TAF1L: variants seen among roughly 807,000 people sequenced by gnomAD.
TAF1L encodes TATA-box binding protein associated factor 1 like, also known as transcription initiation factor TFIID subunit 1-like.
In TAF1L, 30 loss-of-function variants were observed where a neutral mutation model predicts 128.8. The ratio of observed to expected loss-of-function variants is 0.23; its 90% CI spans 0.17 to 0.32. The LOEUF is 0.32. TAF1L is among the 10% of genes least tolerant of loss of function. The pLI, the probability that TAF1L is intolerant of heterozygous loss-of-function variation, is 1.00. For synonymous variants in TAF1L, 764 were observed against 790.7 expected, an observed-to-expected ratio of 0.97 and a Z score of 0.57; for missense variants, 2,099 against 2,253.7, an observed-to-expected ratio of 0.93 and a Z score of 1.39.
Position 32,632,621 on chromosome 9 carries a change from T to A in TAF1L, c.2959A>T (p.Ile987Phe), listed in dbSNP as rs781616380. 4.3e-6 allele frequency: 7 copies of A among 1,614,108 alleles called. No homozygotes were observed. The African/African-American group carries it at 9.3e-5, about 22-fold the overall frequency. ...GCGEGFSYVK[I>F]PNKPTQQKDD... ...TTCTGCTGTGTTGGTTTATTTGGAA[T>A]CTTCACATAGGAGAATCCTTCACCA... is the stretch of plus-strand genomic sequence containing the variant. Residue 987 changes from isoleucine (I) to phenylalanine (F), a missense_variant, in exon 1 of 1, where the codon ATT becomes TTT. Coordinates refer to ENST00000242310, the MANE Select transcript of TAF1L (RefSeq NM_153809.2). This position sits in a 1 kb window ranked among gnomAD's most constrained non-coding sequence, Gnocchi z 4.4.
At position 32,631,577 on chromosome 9, in the gene TAF1L, T is replaced by C. The variant is rs1564011019; in HGVS notation, c.4003A>G (p.Ile1335Val). ...ACAATTTTGGTCCCTTCAACCTTGA[T>C]AAGTTCTTCATTATCATTATGAATG... ...TVIHNDNEEL[I>V]KVEGTKIVFG... is the part of the protein sequence containing the mutation. The change falls in exon 1 of 1, where the codon ATC (isoleucine) becomes GTC (valine). Residue 1335 changes from isoleucine (I) to valine (V), a missense_variant. Physicochemically the swap from Ile to Val is conservative, Grantham distance 29. This residue lies in a region of TAF1L where 1,213 missense variants were observed against 1,391.4 expected (regional missense o/e 0.87). Coordinates refer to ENST00000242310, the MANE Select transcript of TAF1L (RefSeq NM_153809.2). The surrounding 1 kb of genome is among the most constrained non-coding windows in gnomAD (Gnocchi z 4.1). 1 of 1,614,208 alleles carries C rather than the reference T, an allele frequency of 6.2e-7. No homozygotes were observed. The highest frequency in any genetic ancestry group is 2.2e-5 in the East Asian group (1 of 44,886).
At position 32,635,647 on chromosome 9, in the gene TAF1L, C is replaced by T. The variant is rs1822576117; in HGVS notation, c.-68G>A. The T allele has an allele frequency of 2.7e-6, 4 of 1,505,156 alleles. No homozygotes were observed. The highest frequency in any genetic ancestry group is 3.5e-6 in the Non-Finnish European group (4 of 1,127,782). The allele number at this position is 1,505,156 out of a possible 1,614,324, so 93.2% of individuals were successfully genotyped here. A position where few individuals can be genotyped will look rare whatever the true frequency, so the allele number is the denominator to read the frequency against. Reference sequence around the variant, plus strand: ...AGCTCCCTTACCCTACCAGCGTCTACCGGAAGCTGAATAAAGGCGGGGGGA... The same window carrying T: ...AGCTCCCTTACCCTACCAGCGTCTATCGGAAGCTGAATAAAGGCGGGGGGA... On this transcript the variant is annotated 5_prime_UTR_variant, in exon 1 of 1. Coordinates refer to ENST00000242310, the MANE Select transcript of TAF1L (RefSeq NM_153809.2).
Position 32,632,887 on chromosome 9 carries a change from T to G in TAF1L, c.2693A>C (p.Lys898Thr), listed in dbSNP as rs1008996841. ...RLPTEEEIRA[K>T]VSPEQCCAYY... is the part of the protein sequence containing the mutation. Reference sequence around the variant, plus strand: ...AGCACAGCACTGCTCTGGTGACACCTTAGCTCTGATCTCTTCTTCCGTTGG... The same window carrying G: ...AGCACAGCACTGCTCTGGTGACACCGTAGCTCTGATCTCTTCTTCCGTTGG... Residue 898 changes from lysine (K) to threonine (T), a missense_variant, in exon 1 of 1, where the codon AAG (lysine) becomes ACG (threonine). This residue lies in a region of TAF1L where 1,213 missense variants were observed against 1,391.4 expected (regional missense o/e 0.87). Coordinates refer to ENST00000242310, the MANE Select transcript of TAF1L (RefSeq NM_153809.2). This position sits in a 1 kb window ranked among gnomAD's most constrained non-coding sequence, Gnocchi z 4.4. The G allele has an allele frequency of 3.7e-6, 6 of 1,614,236 alleles. No homozygotes were observed. The highest frequency in any genetic ancestry group is 1.6e-4 in the Middle Eastern group (1 of 6,062).
In TAF1L at chr9:32,632,098, C is replaced by T. The variant is rs1452980911; in HGVS notation, c.3482G>A (p.Gly1161Glu). Residue 1161 changes from glycine (G) to glutamate (E), a missense_variant, in exon 1 of 1, where the codon GGA (glycine) becomes GAA (glutamate). By Grantham distance (98) the Gly-to-Glu change is moderately conservative. This residue lies in a region of TAF1L where 1,213 missense variants were observed against 1,391.4 expected (regional missense o/e 0.87). Coordinates refer to ENST00000242310, the MANE Select transcript of TAF1L (RefSeq NM_153809.2). The surrounding 1 kb of genome is among the most constrained non-coding windows in gnomAD (Gnocchi z 4.4). ...MLLVAGSAAS[G>E]NNHRDDVTAS... ...TGTGACATCATCTCTGTGATTGTTT[C>T]CTGATGCTGCTGAGCCTGCTACCAG... 3 of 1,614,174 alleles carry T rather than the reference C, an allele frequency of 1.9e-6. No homozygotes were observed. The highest frequency in any genetic ancestry group is 2.2e-5 in the East Asian group (1 of 44,872).
Position 32,631,571 on chromosome 9 carries a change from C to T in TAF1L, c.4009G>A (p.Val1337Ile), listed in dbSNP as rs1339105689. 13 of 1,614,036 alleles carry T rather than the reference C, an allele frequency of 8.1e-6. No individual in the cohort carries two copies. Among genetic ancestry groups the T allele is most frequent in the Non-Finnish European group, 1.1e-5 (13 of 1,180,046 alleles). The stretch of plus-strand genomic sequence containing the variant: ...CCGAAGACAATTTTGGTCCCTTCAA[C>T]CTTGATAAGTTCTTCATTATCATTA... ...IHNDNEELIK[V>I]EGTKIVFGKQ... The change falls in exon 1 of 1, where the codon GTT becomes ATT. Residue 1337 changes from valine (V) to isoleucine (I), a missense_variant. Transcript: ENST00000242310. The surrounding 1 kb of genome is among the most constrained non-coding windows in gnomAD (Gnocchi z 4.1).
chr9:32,634,819 C>A lies in TAF1L; in HGVS notation c.761G>T (p.Arg254Leu), dbSNP rs774237636. 4 of 1,614,112 alleles carry A rather than the reference C, an allele frequency of 2.5e-6. No homozygotes were observed. In the East Asian group the frequency reaches 8.9e-5, roughly 36 times the overall value. Residue 254 changes from arginine (R) to leucine (L), a missense_variant, in exon 1 of 1, where the codon CGA (arginine) becomes CTA (leucine). Coordinates refer to ENST00000242310, the MANE Select transcript of TAF1L (RefSeq NM_153809.2). ...TAGGAAGCGTAACACTTTTCCAGGT[C>A]GAAATTCTGGAAAAAGTTCGGTGAC... Reference protein sequence around the residue: ...PSVTELFPEFRPGKVLRFLHL... With the variant: ...PSVTELFPEFLPGKVLRFLHL...
Position 32,633,940 on chromosome 9 carries a change from T to A in TAF1L, c.1640A>T (p.Glu547Val). Residue 547 changes from glutamate (E) to valine (V), a missense_variant, in exon 1 of 1, where the codon GAG (glutamate) becomes GTG (valine). Transcript: ENST00000242310. ...EEATSNSPSK[E>V]SKKESSLKKS... is the part of the protein sequence containing the mutation. ...CTTCAGAGATGATTCCTTCTTACTCTCCTTGGAGGGGGAGTTAGAGGTGGC... is the reference window on the plus strand; with the variant it reads ...CTTCAGAGATGATTCCTTCTTACTCACCTTGGAGGGGGAGTTAGAGGTGGC... The A allele has an allele frequency of 6.2e-7, 1 of 1,614,156 alleles. No individual in the cohort carries two copies. The highest frequency in any genetic ancestry group is 1.3e-5 in the African/African-American group (1 of 75,014).
In TAF1L at chr9:32,630,888, G is replaced by A; in HGVS notation, c.4692C>T (p.Val1564=). The A allele has an allele frequency of 1.2e-6, 2 of 1,614,154 alleles. No homozygotes were observed. Among genetic ancestry groups the A allele is most frequent in the Non-Finnish European group, 1.7e-6 (2 of 1,180,030 alleles). ...KFVPDYYKMI[V]NPVDLETIRK... ...GTATGGTCTCTAAATCCACTGGATTGACAATCATTTTGTAATAATCTGGAA... is the reference window on the plus strand; with the variant it reads ...GTATGGTCTCTAAATCCACTGGATTAACAATCATTTTGTAATAATCTGGAA... The change falls in exon 1 of 1, where the codon GTC becomes GTT. Residue 1564 remains valine (V), a synonymous_variant. Transcript: ENST00000242310.
Position 32,632,367 on chromosome 9 carries a change from C to T in TAF1L, c.3213G>A (p.Arg1071=). ...GPMSKFARGS[R]FSVAEHQERY... is the part of the protein sequence containing the mutation. ...GCTCTTGATGCTCAGCCACAGAAAA[C>T]CTTGATCCACGGGCAAATTTACTCA... Residue 1071 remains arginine (R), a synonymous_variant, in exon 1 of 1, where the codon AGG becomes AGA. Transcript: ENST00000242310. This position sits in a 1 kb window ranked among gnomAD's most constrained non-coding sequence, Gnocchi z 4.4. The T allele has an allele frequency of 1.2e-6, 2 of 1,614,186 alleles. No individual in the cohort carries two copies. The highest frequency in any genetic ancestry group is 1.7e-6 in the Non-Finnish European group (2 of 1,180,030).
At position 32,632,105 on chromosome 9, in the gene TAF1L, C is replaced by A. The variant is rs201142702; in HGVS notation, c.3475G>T (p.Ala1159Ser). 8.1e-6 allele frequency: 13 copies of A among 1,614,196 alleles called. No homozygotes were observed. Among genetic ancestry groups the A allele is most frequent in the Non-Finnish European group, 1.0e-5 (12 of 1,180,032 alleles). Residue 1159 changes from alanine to serine, a missense_variant, in exon 1 of 1, where the codon GCA becomes TCA. By Grantham distance (99) the Ala-to-Ser change is moderately conservative (BLOSUM62 1). Transcript: ENST00000242310. The surrounding 1 kb of genome is among the most constrained non-coding windows in gnomAD (Gnocchi z 4.4). ...RRMLLVAGSA[A>S]SGNNHRDDVT... ...TCATCTCTGTGATTGTTTCCTGATG[C>A]TGCTGAGCCTGCTACCAGTAGCATT... is the stretch of plus-strand genomic sequence containing the variant.
At position 32,631,945 on chromosome 9, in the gene TAF1L, G is replaced by T. The variant is rs976654470; in HGVS notation, c.3635C>A (p.Ala1212Asp). The T allele has an allele frequency of 6.2e-7, 1 of 1,614,122 alleles. No individual in the cohort carries two copies. Among genetic ancestry groups the T allele is most frequent in the Non-Finnish European group, 8.5e-7 (1 of 1,180,020 alleles). ...TTTTGTAGTCCGTATGCGCACATAG[G>T]CATCAATGACAGCTGGTTTTCGGAC... ...ETVRKPAVID[A>D]YVRIRTTKDE... Residue 1212 changes from alanine to aspartate, a missense_variant, in exon 1 of 1, where the codon GCC (alanine) becomes GAC (aspartate). Physicochemically the swap from Ala to Asp is moderately radical, Grantham distance 126. Coordinates refer to ENST00000242310, the MANE Select transcript of TAF1L (RefSeq NM_153809.2). The surrounding 1 kb of genome is among the most constrained non-coding windows in gnomAD (Gnocchi z 4.1).
In TAF1L at chr9:32,631,907, T is replaced by A. The variant is rs768522210; in HGVS notation, c.3673A>T (p.Ile1225Phe). The change falls in exon 1 of 1, where the codon ATT becomes TTT. Residue 1225 changes from isoleucine to phenylalanine, a missense_variant. By Grantham distance (21) the Ile-to-Phe change is conservative. Transcript: ENST00000242310. The surrounding 1 kb of genome is among the most constrained non-coding windows in gnomAD (Gnocchi z 4.1). ...TCATCAAAAAGGGCAAATTTTTGAA[T>A]GAATTTCTCATCTTTTGTAGTCCGT... is the stretch of plus-strand genomic sequence containing the variant. ...RIRTTKDEKF[I>F]QKFALFDEKH... The A allele has an allele frequency of 1.2e-5, 20 of 1,614,236 alleles. No individual in the cohort carries two copies. The South Asian group carries it at 2.2e-4, about 18-fold the overall frequency.
Position 32,634,407 on chromosome 9 carries a change from T to C in TAF1L, c.1173A>G (p.Gln391=), listed in dbSNP as rs746376216. Reference sequence around the variant, plus strand: ...TTCTAGATTTTATCACAGGTTCATGTTGTGTCTTTCTCAGTTTGAAGCCAT... The same window carrying C: ...TTCTAGATTTTATCACAGGTTCATGCTGTGTCTTTCTCAGTTTGAAGCCAT... ...FDYGFKLRKT[Q]HEPVIKSRMM... Residue 391 remains glutamine (Q), a synonymous_variant, in exon 1 of 1, where the codon CAA becomes CAG. Coordinates refer to ENST00000242310, the MANE Select transcript of TAF1L (RefSeq NM_153809.2). The C allele has an allele frequency of 5.0e-6, 8 of 1,614,138 alleles. No homozygotes were observed. Among genetic ancestry groups the C allele is most frequent in the South Asian group, 1.1e-5 (1 of 91,092 alleles).
In TAF1L at chr9:32,629,799, C is replaced by A; in HGVS notation, c.*300G>T. ...CAGCCTCCCGAGTATCTGGGGATTA[C>A]AGGCGTGCACCACCACACCTGGCTA... On this transcript the variant is annotated 3_prime_UTR_variant, in exon 1 of 1. Coordinates refer to ENST00000242310, the MANE Select transcript of TAF1L (RefSeq NM_153809.2). 1 of 512,010 alleles carries A rather than the reference C, an allele frequency of 2.0e-6. No homozygotes were observed. 31.7% of individuals were successfully genotyped at this position (512,010 alleles called of 1,614,324 possible). A position where few individuals can be genotyped will look rare whatever the true frequency, so the allele number is the denominator to read the frequency against.
Position 32,634,726 on chromosome 9 carries a change from T to A in TAF1L, c.854A>T (p.His285Leu). 6.2e-7 allele frequency: 1 copy of A among 1,614,220 alleles called. No individual in the cohort carries two copies. The highest frequency in any genetic ancestry group is 8.5e-7 in the Non-Finnish European group (1 of 1,180,028). ...WRSARRKRKK[H>L]RELIQEEQIQ... is the part of the protein sequence containing the mutation. ...CTGCTCTTCCTGTATCAGCTCACGATGCTTCTTCCTCTTTCTCCGAGCACT... is the reference window on the plus strand; with the variant it reads ...CTGCTCTTCCTGTATCAGCTCACGAAGCTTCTTCCTCTTTCTCCGAGCACT... Residue 285 changes from histidine (H) to leucine (L), a missense_variant, in exon 1 of 1, where the codon CAT becomes CTT. Transcript: ENST00000242310.
chr9:32,635,349 G>A lies in TAF1L; in HGVS notation c.231C>T (p.Ile77=). Residue 77 remains isoleucine, a synonymous_variant, in exon 1 of 1, where the codon ATC becomes ATT. Transcript: ENST00000242310. ...GLGALGLGSL[I]TELTANEELT... is the part of the protein sequence containing the mutation. ...ATTCTTCATTTGCCGTGAGTTCAGTGATTAGGCTGCCCAGCCCCAAAGCCC... is the reference window on the plus strand; with the variant it reads ...ATTCTTCATTTGCCGTGAGTTCAGTAATTAGGCTGCCCAGCCCCAAAGCCC... The A allele has an allele frequency of 6.2e-7, 1 of 1,614,176 alleles. No homozygotes were observed. Among genetic ancestry groups the A allele is most frequent in the Non-Finnish European group, 8.5e-7 (1 of 1,180,028 alleles).
In TAF1L at chr9:32,632,664, C is replaced by T. The variant is rs773034523; in HGVS notation, c.2916G>A (p.Val972=). ...KGKCLLEVTG[V]ADPTGCGEGF... ...CTTCACCACACCCTGTGGGATCTGC[C>T]ACCCCAGTCACCTCTAGGAGACACT... is the stretch of plus-strand genomic sequence containing the variant. Residue 972 remains valine (V), a synonymous_variant, in exon 1 of 1, where the codon GTG becomes GTA. Coordinates refer to ENST00000242310, the MANE Select transcript of TAF1L (RefSeq NM_153809.2). This position sits in a 1 kb window ranked among gnomAD's most constrained non-coding sequence, Gnocchi z 4.4. 2.5e-6 allele frequency: 4 copies of T among 1,614,182 alleles called. No homozygotes were observed. Among genetic ancestry groups the T allele is most frequent in the South Asian group, 1.1e-5 (1 of 91,084 alleles).
rs749284231 is a variant in TAF1L, at chr9:32,631,966, C to T, written c.3614G>A (p.Arg1205Gln). Residue 1205 changes from arginine (R) to glutamine (Q), a missense_variant, in exon 1 of 1, where the codon CGA becomes CAA. Transcript: ENST00000242310. This position sits in a 1 kb window ranked among gnomAD's most constrained non-coding sequence, Gnocchi z 4.1. ...GKEYVRCETV[R>Q]KPAVIDAYVR... Reference sequence around the variant, plus strand: ...ATAGGCATCAATGACAGCTGGTTTTCGGACTGTCTCACAGCGAACATACTC... The same window carrying T: ...ATAGGCATCAATGACAGCTGGTTTTTGGACTGTCTCACAGCGAACATACTC... The T allele has an allele frequency of 1.1e-5, 18 of 1,614,080 alleles. No homozygotes were observed. The highest frequency in any genetic ancestry group is 3.3e-5 in the Admixed American group (2 of 60,010).
chr9:32,635,038 C>G lies in TAF1L; in HGVS notation c.542G>C (p.Gly181Ala). 2 of 1,614,120 alleles carry G rather than the reference C, an allele frequency of 1.2e-6. No homozygotes were observed. The highest frequency in any genetic ancestry group is 1.7e-6 in the Non-Finnish European group (2 of 1,180,022). ...GATGGAGGGCAAGATGATGTCTTCT[C>G]CACTTTCAGACACACAGGTAATAGC... The part of the protein sequence containing the change: ...QDAITCVSES[G>A]EDIILPSIIA... The change falls in exon 1 of 1, where the codon GGA (glycine) becomes GCA (alanine). Residue 181 changes from glycine to alanine, a missense_variant. Gly to Ala is a moderately conservative substitution (Grantham distance 60). Transcript: ENST00000242310.
Sources: allele counts gnomAD v4.1 joint callset, GRCh38; gene constraint gnomAD v4.1.1; regional missense constraint gnomAD v4.1.1; non-coding constraint Gnocchi (gnomAD v3.1); transcripts MANE v1.5; gene names NCBI Gene and HGNC (gene_info 2026-07-23, HGNC 2026-07-21).